ICE2: variants seen among roughly 807,000 people sequenced by gnomAD.
ICE2 encodes the protein little elongation complex subunit 2.
A neutral mutation model predicts 105.4 loss-of-function variants in ICE2; 87 were observed. That is an observed-to-expected ratio of 0.83 (90% CI 0.69 to 0.99). The LOEUF is 0.99. Ranked by LOEUF, ICE2 falls within the 50% of genes least tolerant of loss-of-function variation. ICE2 has a pLI of 0.00. For missense variants in ICE2, 1,323 were observed against 1,146.7 expected (o/e 1.15, Z -2.22); for synonymous variants, 399 against 392.0 (o/e 1.02, Z -0.21).
intron 5 of ICE2, among the ~76,000 whole-genome samples, chr15:60,465,372 G>A (rs747640783): frequency 3.9e-5 from 6 of 152,042 alleles, no homozygotes; most frequent in Non-Finnish European, 8.8e-5. Flanking sequence ...AATTCTTTTT[G>A]TATAGATGGG....
chr15:60,461,621 G>A (rs183896484), intron 5 of ICE2, among the ~76,000 whole-genome samples: 74 of 152,248 alleles, frequency 4.9e-4, no homozygotes, highest in African/African-American at 1.8e-3. Context: ...TTCAGTAATC[G>A]TATTGATCAC....
intron 5 of ICE2, among the ~76,000 whole-genome samples, chr15:60,466,193 A>G (rs1335826412): frequency 6.6e-6 from 1 of 152,212 alleles, no homozygotes; most frequent in Non-Finnish European, 1.5e-5. Context: ...GAAATTTATC[A>G]TTTTGTGGCT....
intron 5 of ICE2, among the ~76,000 whole-genome samples, chr15:60,460,746 G>A (rs1380271550): frequency 6.6e-6 from 1 of 152,072 alleles, no homozygotes; most frequent in Non-Finnish European, 1.5e-5. Context: ...TGTCCATTAG[G>A]AGGCAAAGTC....
intron 11 of ICE2, among the ~76,000 whole-genome samples, chr15:60,446,812 C>A (rs2063832323): frequency 6.6e-6 from 1 of 152,086 alleles, no homozygotes; most frequent in Non-Finnish European, 1.5e-5. Context: ...TCAAAGTGGT[C>A]AGTGATGATT....
chr15:60,427,270 C>G (rs2063357862), intron 15 of ICE2, among the ~76,000 whole-genome samples: 3 of 152,180 alleles, frequency 2.0e-5, no homozygotes, highest in Admixed American at 2.0e-4. Flanking sequence ...GAAGAATACA[C>G]AAGTGATAGA....
intron 2 of ICE2, among the ~76,000 whole-genome samples, chr15:60,476,423 CAATT>C (rs1390886856): frequency 1.3e-5 from 2 of 152,092 alleles, no homozygotes; most frequent in East Asian, 3.8e-4. Context: ...CTGTAGTACA[CAATT>C]AAATAAATGT....
intron 5 of ICE2, among the ~76,000 whole-genome samples, chr15:60,461,083 G>A (rs552862084): frequency 1.5e-4 from 20 of 131,174 alleles, no homozygotes; most frequent in African/African-American, 5.4e-4. Flanking sequence ...ATGTCTCACC[G>A]TCAAAGTCCT....
In ICE2 at chr15:60,442,985, T is replaced by C. The variant is rs114762410; in HGVS notation, c.2296-440A>G. 7.4e-3 allele frequency: 1,134 copies of C among 152,870 alleles called. 10 individuals carry two copies. The highest frequency in any genetic ancestry group is 0.026 in the African/African-American group (1,099 of 41,596). 9.5% of individuals were successfully genotyped at this position (152,870 alleles called of 1,614,324 possible). ...TAGAATTTTTTTCTCCTTTAAAGCA[T>C]GAGTCACATTGTCTTAGGCTCAAAT... On this transcript the variant is annotated intron_variant, in intron 11 of 15. Coordinates refer to ENST00000261520, the MANE Select transcript of ICE2 (RefSeq NM_024611.6).
At chr15:60,437,889 T>A (rs2063632350) in intron 12 of ICE2, 1 of 151,942 alleles carries the variant, frequency 6.6e-6, no homozygotes, top group Admixed American at 6.6e-5. Flanking sequence ...CTCGAACTAC[T>A]GGCCTCAAGC....
chr15:60,476,651 GGATAACTGGTT>G (rs1431260832), intron 2 of ICE2, among the ~76,000 whole-genome samples: 1 of 152,030 alleles, frequency 6.6e-6, no homozygotes, highest in African/African-American at 2.4e-5. Context: ...TTGGCAAATG[GGATAACTGGTT>G]TGCTAAAACC....
At chr15:60,454,725 A>C in intron 8 of ICE2, 1 of 296,818 alleles carries the variant, frequency 3.4e-6, no homozygotes, top group Non-Finnish European at 6.1e-6. Flanking sequence ...TCGGGGATAC[A>C]TGTGGAGAAT....
chr15:60,457,244 C>T (rs538937507), intron 5 of ICE2, among the ~76,000 whole-genome samples: 340 of 152,182 alleles, frequency 2.2e-3, no homozygotes, highest in Non-Finnish European at 3.2e-3. Flanking sequence ...TATAACTAAT[C>T]CAAATGATGG....
chr15:60,465,005 T>C (rs935236070), intron 5 of ICE2, among the ~76,000 whole-genome samples: 1 of 152,198 alleles, frequency 6.6e-6, no homozygotes, highest in Non-Finnish European at 1.5e-5. Flanking sequence ...ATTAAAAACA[T>C]CATTCTGGTC....
rs1375576418 is a variant in ICE2, at chr15:60,420,007, TGA to T, written c.*3625_*3626del. ...AGCCAAGAGCCTGACTGCAACTTCA[TGA>T]GAGACCTGGACTTTTGACTTACAGA... On this transcript the variant is annotated 3_prime_UTR_variant, in exon 16 of 16. Transcript: ENST00000261520. 2 of 152,238 alleles carry T rather than the reference TGA, an allele frequency of 1.3e-5. No individual in the cohort carries two copies. Among genetic ancestry groups the T allele is most frequent in the Non-Finnish European group, 2.9e-5 (2 of 68,038 alleles). The allele number at this position is 152,238 out of a possible 1,614,324, so 9.4% of individuals were successfully genotyped here.
At chr15:60,453,056 T>G in intron 9 of ICE2, 1 of 730,348 alleles carries the variant, frequency 1.4e-6, no homozygotes, top group Non-Finnish European at 1.7e-6. Context: ...CATGGCGAAA[T>G]CTCATCTCTA....
chr15:60,468,255 T>G lies in ICE2; in HGVS notation c.214A>C (p.Thr72Pro). 6.2e-7 allele frequency: 1 copy of G among 1,613,582 alleles called. No homozygotes were observed. Residue 72 changes from threonine to proline, a missense_variant, in exon 4 of 16, where the codon ACT becomes CCT. Thr to Pro is a conservative substitution (Grantham distance 38, BLOSUM62 -1). Coordinates refer to ENST00000261520, the MANE Select transcript of ICE2 (RefSeq NM_024611.6). ...GTTTTAACTTTTTCCTTTGCTTGAG[T>G]TGCTGAACTAACTGCCGGCTCATTT... ...VENEPAVSSA[T>P]QAKEKVKTTI... is the part of the protein sequence containing the mutation.
At position 60,478,053 on chromosome 15, in the gene ICE2, C is replaced by T. The variant is rs1447993090; in HGVS notation, c.-76G>A. The T allele has an allele frequency of 4.5e-6, 6 of 1,347,776 alleles. No homozygotes were observed. Among genetic ancestry groups the T allele is most frequent in the Non-Finnish European group, 6.4e-6 (6 of 939,014 alleles). The allele number at this position is 1,347,776 out of a possible 1,614,324, so 83.5% of individuals were successfully genotyped here. A position where few individuals can be genotyped will look rare whatever the true frequency, so the allele number is the denominator to read the frequency against. ...GCGAAGGCTCCAAGAGGCAGGATCC[C>T]TCCAGAACTTACTCAGCTGAGTAAA... is the stretch of plus-strand genomic sequence containing the variant. On this transcript the variant is annotated 5_prime_UTR_variant, in exon 2 of 16. Transcript: ENST00000261520.
intron 3 of ICE2, 21 bp from the exon 4 acceptor site, chr15:60,468,343 T>C: frequency 6.4e-7 from 1 of 1,568,544 alleles, no homozygotes; most frequent in Non-Finnish European, 8.7e-7. Context: ...AAATATAATT[T>C]ACAAATATGT....
chr15:60,442,799 C>T (rs1052873228), intron 11 of ICE2: 2 of 269,700 alleles, frequency 7.4e-6, no homozygotes, highest in Non-Finnish European at 1.3e-5. Flanking sequence ...ATCAACATAC[C>T]TCCCCACATA....
Sources: allele counts gnomAD v4.1 joint callset (sites outside exome capture counted in the v4.1 genomes callset), GRCh38; gene constraint gnomAD v4.1.1; transcripts MANE v1.5; gene names NCBI Gene and HGNC (gene_info 2026-07-23, HGNC 2026-07-21).